Variants in POLN observed in about 807,000 individuals in gnomAD.
POLN encodes DNA polymerase N.
A neutral mutation model predicts 113.5 loss-of-function variants in POLN; 108 were observed. That is an observed-to-expected ratio of 0.95 (90% CI 0.81 to 1.12). POLN has a LOEUF of 1.12. POLN is among the 50% of genes most tolerant of loss of function. The pLI is 0.00. For synonymous variants in POLN, 386 were observed against 391.5 expected, an observed-to-expected ratio of 0.99 and a Z score of 0.17; for missense variants, 1,097 against 1,077.1, an observed-to-expected ratio of 1.02 and a Z score of -0.26.
At position 2,198,515 on chromosome 4, in the gene POLN, A is replaced by G. The variant is rs777471372; in HGVS notation, c.908+9T>C. On this transcript the variant is annotated intron_variant, in intron 6 of 25. Transcript: ENST00000511885. ...GTAGGGTGTGAGCCCATGTGTGAAG[A>G]TTTCTTACCGGGCAAATTGTTGATG... is the stretch of plus-strand genomic sequence containing the variant. 14 of 1,603,252 alleles carry G rather than the reference A, an allele frequency of 8.7e-6. No homozygotes were observed. Among genetic ancestry groups the G allele is most frequent in the Non-Finnish European group, 1.1e-5 (13 of 1,173,774 alleles).
At chr4:2,102,429 C>A (rs766403908) in intron 19 of POLN, among the ~76,000 whole-genome samples, 15 of 152,194 alleles carry the variant, frequency 9.9e-5, no homozygotes, top group Non-Finnish European at 1.8e-4. Context: ...CTGCAAAGCC[C>A]ATTGCAACCA....
chr4:2,238,656 G>C, intron 2 of POLN: 1 of 1,612,316 alleles, frequency 6.2e-7, no homozygotes, highest in Non-Finnish European at 8.5e-7. Flanking sequence ...TTTATCTGTT[G>C]AGAAACTGAT....
At chr4:2,240,041 G>A in intron 2 of POLN, 2 of 1,609,356 alleles carry the variant, frequency 1.2e-6, no homozygotes, top group Non-Finnish European at 1.7e-6. Context: ...TGCTTACCTT[G>A]CTGGTTAGGC....
chr4:2,154,798 A>AT (rs1732384285), intron 16 of POLN, among the ~76,000 whole-genome samples: 1 of 152,254 alleles, frequency 6.6e-6, no homozygotes, highest in African/African-American at 2.4e-5. Flanking sequence ...AACAATCTAA[A>AT]TGACCATCAA....
chr4:2,132,292 G>T (rs982366548), intron 16 of POLN, among the ~76,000 whole-genome samples: 3 of 152,148 alleles, frequency 2.0e-5, no homozygotes, highest in East Asian at 3.8e-4. Context: ...CAATAGAAAT[G>T]ATCCAATCTA....
chr4:2,123,513 G>A (rs1731498774), intron 19 of POLN, among the ~76,000 whole-genome samples: 1 of 151,004 alleles, frequency 6.6e-6, no homozygotes, highest in Non-Finnish European at 1.5e-5. Flanking sequence ...TGTAATCCCA[G>A]CTACTCGGGA....
intron 12 of POLN, 148 bp from the exon 13 acceptor site, chr4:2,170,922 A>G: frequency 1.1e-5 from 10 of 933,314 alleles, no homozygotes; most frequent in Non-Finnish European, 1.6e-5. Flanking sequence ...GTACTTTTCT[A>G]CAAGTTAAAG....
intron 2 of POLN, among the ~76,000 whole-genome samples, chr4:2,233,218 G>C (rs1452249843): frequency 6.6e-6 from 1 of 152,136 alleles, no homozygotes; most frequent in East Asian, 1.9e-4. Flanking sequence ...AATATACTGA[G>C]AAACAACAAT....
intron 20 of POLN, among the ~76,000 whole-genome samples, chr4:2,094,771 G>A (rs1276637370): frequency 1.3e-5 from 2 of 152,164 alleles, no homozygotes; most frequent in Non-Finnish European, 2.9e-5. Context: ...TTGGGGCGGG[G>A]CACTCTGGAC....
chr4:2,226,685 C>A (rs968663754), intron 3 of POLN, among the ~76,000 whole-genome samples: 1 of 152,114 alleles, frequency 6.6e-6, no homozygotes, highest in Non-Finnish European at 1.5e-5. Context: ...GAAAATTAGA[C>A]CCCAAAATGA....
At chr4:2,232,254 GA>G in intron 2 of POLN, 1 of 587,306 alleles carries the variant, frequency 1.7e-6, no homozygotes, top group South Asian at 3.0e-5. Context: ...GACTTTAAAG[GA>G]CTTAATAACT....
chr4:2,081,265 G>A, intron 22 of POLN: 1 of 1,326,474 alleles, frequency 7.5e-7, no homozygotes, highest in Non-Finnish European at 1.0e-6. Flanking sequence ...ACTCCTGGAG[G>A]CCTCACCCCT....
intron 19 of POLN, among the ~76,000 whole-genome samples, chr4:2,100,095 AAAAG>A (rs1730888757): frequency 6.6e-6 from 1 of 151,630 alleles, no homozygotes. Flanking sequence ...AGAAAAAGAA[AAAAG>A]AGAGAGAGAG....
At chr4:2,078,529 G>T (rs2108687954) in intron 23 of POLN, 2 of 901,988 alleles carry the variant, frequency 2.2e-6, no homozygotes, top group Admixed American at 6.2e-5. Context: ...GGAGTGAAGT[G>T]GTGCGATCTC....
intron 8 of POLN, among the ~76,000 whole-genome samples, chr4:2,178,905 C>A (rs931956159): frequency 6.6e-6 from 1 of 152,170 alleles, no homozygotes; most frequent in East Asian, 1.9e-4. Context: ...AGCTGCTGCA[C>A]CCAGCCCGAG....
chr4:2,159,318 AT>A, intron 13 of POLN, 107 bp from the exon 14 acceptor site: 1 of 945,362 alleles, frequency 1.1e-6, no homozygotes, highest in Non-Finnish European at 1.6e-6. Context: ...AATTGAGCAT[AT>A]TTTCCAAAAT....
At chr4:2,231,833 A>T in intron 2 of POLN, 1 of 629,444 alleles carries the variant, frequency 1.6e-6, no homozygotes, top group Middle Eastern at 3.8e-4. Flanking sequence ...TGTTCCATTG[A>T]CCTCAAATTT....
At chr4:2,137,884 G>C (rs1364260826) in intron 16 of POLN, among the ~76,000 whole-genome samples, 2 of 152,146 alleles carry the variant, frequency 1.3e-5, no homozygotes, top group Non-Finnish European at 2.9e-5. Context: ...TGTAACCCAG[G>C]CTGGAGTGCA....
In POLN at chr4:2,111,834, C is replaced by G. The variant is rs1425462157; in HGVS notation, c.1983-15901G>C. Among the ~76,000 whole-genome samples, 4 of 152,248 alleles carry G rather than the reference C, an allele frequency of 2.6e-5. No homozygotes were observed. In the East Asian group the frequency reaches 7.8e-4, roughly 30 times the overall value. On this transcript the variant is annotated intron_variant, in intron 19 of 25. Coordinates refer to ENST00000511885, the MANE Select transcript of POLN (RefSeq NM_181808.4). ...TACTGCCCAAGGTAATTTATAGATT[C>G]AATGCCATCCCCATCAAGCTACCAA... is the stretch of plus-strand genomic sequence containing the variant.
Sources: allele counts gnomAD v4.1 joint callset (sites outside exome capture counted in the v4.1 genomes callset), GRCh38; gene constraint gnomAD v4.1.1; transcripts MANE v1.5; gene names NCBI Gene and HGNC (gene_info 2026-07-23, HGNC 2026-07-21).